Variants in DCK observed in about 807,000 individuals in gnomAD.
DCK encodes the protein deoxycytidine kinase.
A neutral mutation model predicts 38.3 loss-of-function variants in DCK; 23 were observed. That is an observed-to-expected ratio of 0.60 (90% CI 0.43 to 0.85). DCK has a LOEUF of 0.85. DCK is among the 40% of genes least tolerant of loss of function. The pLI is 0.00. For synonymous variants in DCK, 108 were observed against 100.6 expected (o/e 1.07, Z -0.44); for missense variants, 259 against 304.4 (o/e 0.85, Z 1.11).
At chr4:71,011,475 GCCT>G (rs1560683339) in intron 2 of DCK, among the ~76,000 whole-genome samples, 1 of 151,936 alleles carries the variant, frequency 6.6e-6, no homozygotes, top group Admixed American at 6.6e-5. Context: ...TCCCACCTCA[GCCT>G]CCTCAGTAGC....
chr4:71,014,102 A>G (rs1740183808), intron 2 of DCK, among the ~76,000 whole-genome samples: 1 of 152,236 alleles, frequency 6.6e-6, no homozygotes, highest in Non-Finnish European at 1.5e-5. Flanking sequence ...AACAAAAAAA[A>G]GGCAGGTGTT....
At chr4:71,017,222 A>G (rs945529291) in intron 2 of DCK, among the ~76,000 whole-genome samples, 2 of 152,236 alleles carry the variant, frequency 1.3e-5, no homozygotes, top group African/African-American at 2.4e-5. Flanking sequence ...AATCAAAACC[A>G]CAATGAGATA....
At position 71,029,536 on chromosome 4, in the gene DCK, T is replaced by A; in HGVS notation, c.*158T>A. 1 of 613,620 alleles carries A rather than the reference T, an allele frequency of 1.6e-6. No homozygotes were observed. The highest frequency in any genetic ancestry group is 2.9e-5 in the East Asian group (1 of 34,262). 38.0% of individuals were successfully genotyped at this position (613,620 alleles called of 1,614,324 possible). On this transcript the variant is annotated 3_prime_UTR_variant, in exon 7 of 7. Transcript: ENST00000286648. ...TTTTAAAATGAATCTTATGCAAAAC[T>A]TTTTGACCAGTTTCTTTTCTTTTGT...
intron 2 of DCK, among the ~76,000 whole-genome samples, chr4:71,020,684 C>T (rs1321036350): frequency 6.6e-6 from 1 of 152,026 alleles, no homozygotes; most frequent in East Asian, 1.9e-4. Flanking sequence ...AGCCTCAAAA[C>T]ATGACTAGAG....
At position 71,025,841 on chromosome 4, in the gene DCK, G is replaced by A. The variant is rs776045447; in HGVS notation, c.575G>A (p.Arg192Gln). 10 of 1,609,010 alleles carry A rather than the reference G, an allele frequency of 6.2e-6. No homozygotes were observed. The highest frequency in any genetic ancestry group is 2.2e-5 in the East Asian group (1 of 44,722). ...PETCLHRIYL[R>Q]GRNEEQGIPL... is the part of the protein sequence containing the mutation. Reference sequence around the variant, plus strand: ...ACATGCTTACATAGAATATATTTACGGGGAAGAAATGAAGAGCAAGGCATT... The same window carrying A: ...ACATGCTTACATAGAATATATTTACAGGGAAGAAATGAAGAGCAAGGCATT... The change falls in exon 5 of 7, where the codon CGG (arginine) becomes CAG (glutamine). Residue 192 changes from arginine (R) to glutamine (Q), a missense_variant. Transcript: ENST00000286648.
At chr4:71,016,757 C>T (rs909798649) in intron 2 of DCK, among the ~76,000 whole-genome samples, 2 of 152,190 alleles carry the variant, frequency 1.3e-5, no homozygotes, top group African/African-American at 2.4e-5. Context: ...TGGATCCCTT[C>T]CTTACACCTT....
rs1005248926 is a variant in DCK at position 71,030,153 on chromosome 4, G to A, written c.*775G>A. 4.6e-5 allele frequency: 7 copies of A among 152,330 alleles called. No individual in the cohort carries two copies. The highest frequency in any genetic ancestry group is 1.0e-4 in the Non-Finnish European group (7 of 67,970). The allele number at this position is 152,330 out of a possible 1,614,324, so 9.4% of individuals were successfully genotyped here. On this transcript the variant is annotated 3_prime_UTR_variant, in exon 7 of 7. Coordinates refer to ENST00000286648, the MANE Select transcript of DCK (RefSeq NM_000788.3). ...TATCCTGAAAGCATTATTTTTTGTT[G>A]AATAGGAAATAAAATTAATGAAGAC...
At chr4:71,024,741 T>C (rs1418157963) in intron 4 of DCK, among the ~76,000 whole-genome samples, 1 of 152,070 alleles carries the variant, frequency 6.6e-6, no homozygotes, top group African/African-American at 2.4e-5. Context: ...ATTACAAAAA[T>C]AGTAAATAAA....
chr4:71,029,255 G>C (rs1740627502), intron 6 of DCK, 97 bp from the exon 7 acceptor site: 4 of 693,202 alleles, frequency 5.8e-6, no homozygotes, highest in Non-Finnish European at 9.6e-6. Context: ...ATACAGCTGG[G>C]GTCTTCAACT....
chr4:70,997,548 AT>A (rs781396865), intron 1 of DCK, among the ~76,000 whole-genome samples: 2 of 151,694 alleles, frequency 1.3e-5, no homozygotes, highest in Non-Finnish European at 2.9e-5. Context: ...CTTCTTTTCT[AT>A]TGCCCTGTCT....
chr4:71,015,593 T>C (rs1056593078), intron 2 of DCK, among the ~76,000 whole-genome samples: 3 of 152,154 alleles, frequency 2.0e-5, no homozygotes, highest in African/African-American at 7.2e-5. Context: ...CCATGATCAA[T>C]TGTGCTTCAT....
At chr4:70,997,961 C>CTT in intron 1 of DCK, 106 bp from the exon 2 acceptor site, 3 of 504,756 alleles carry the variant, frequency 5.9e-6, no homozygotes, top group Non-Finnish European at 1.1e-5. Context: ...ATGTTTTGGG[C>CTT]TTTTTATGTT....
intron 1 of DCK, 95 bp from the exon 2 acceptor site, chr4:70,997,972 G>T (rs1739696766): frequency 1.9e-6 from 1 of 525,962 alleles, no homozygotes; most frequent in Non-Finnish European, 3.4e-6. Context: ...TTTTTATGTT[G>T]CTTGCTATTG....
At chr4:71,010,807 G>A (rs776384121) in intron 2 of DCK, among the ~76,000 whole-genome samples, 3 of 151,062 alleles carry the variant, frequency 2.0e-5, no homozygotes, top group South Asian at 2.1e-4. Flanking sequence ...CGCATTACCC[G>A]TACTATTTTA....
chr4:71,023,723 A>G lies in DCK; in HGVS notation c.549+17A>G, dbSNP rs751071896. 5 of 1,595,060 alleles carry G rather than the reference A, an allele frequency of 3.1e-6. No homozygotes were observed. In the African/African-American group the frequency reaches 6.8e-5, roughly 22 times the overall value. On this transcript the variant is annotated intron_variant, in intron 4 of 6. Coordinates refer to ENST00000286648, the MANE Select transcript of DCK (RefSeq NM_000788.3). The stretch of plus-strand genomic sequence containing the variant: ...ACTCCAGAGGTAAAACCCAATAAAA[A>G]TGTGTTTCACTGAAAATTTAAAGAA...
Position 71,029,987 on chromosome 4 carries a change from TA to T in DCK, c.*612del, listed in dbSNP as rs1263088773. On this transcript the variant is annotated 3_prime_UTR_variant, in exon 7 of 7. Coordinates refer to ENST00000286648, the MANE Select transcript of DCK (RefSeq NM_000788.3). ...TTAATTAGGCAGCCTGCTATAAAGT[TA>T]AAGTCACACATTTCTATTTTGCAAA... 1 of 152,676 alleles carries T rather than the reference TA, an allele frequency of 6.5e-6. No homozygotes were observed. Among genetic ancestry groups the T allele is most frequent in the Non-Finnish European group, 1.5e-5 (1 of 68,046 alleles). The allele number at this position is 152,676 out of a possible 1,614,324, so 9.5% of individuals were successfully genotyped here.
chr4:71,010,461 T>G (rs1414657538), intron 2 of DCK, among the ~76,000 whole-genome samples: 1 of 151,240 alleles, frequency 6.6e-6, no homozygotes, highest in African/African-American at 2.4e-5. Flanking sequence ...ATTTTTGAGA[T>G]ATGCAGTCTG....
intron 2 of DCK, among the ~76,000 whole-genome samples, chr4:71,018,722 A>G (rs1740337400): frequency 1.5e-5 from 2 of 135,738 alleles, no homozygotes; most frequent in Non-Finnish European, 3.0e-5. Context: ...CCCAGGCTGG[A>G]GTGCAGTGGC....
intron 2 of DCK, among the ~76,000 whole-genome samples, chr4:71,017,634 A>G (rs546605449): frequency 6.6e-6 from 1 of 152,222 alleles, no homozygotes; most frequent in East Asian, 1.9e-4. Flanking sequence ...TTGTAGGGAC[A>G]TAGATGAAGC....
Sources: gnomAD v4.1 joint callset for allele counts (sites outside exome capture counted in the v4.1 genomes callset) on GRCh38, gnomAD v4.1.1 for gene constraint, MANE v1.5 for transcripts, NCBI Gene and HGNC (gene_info 2026-07-23, HGNC 2026-07-21) for gene names.